Variants in MYO10 observed in about 807,000 individuals in gnomAD.
MYO10 encodes unconventional myosin-X.
In MYO10, 133 loss-of-function variants were observed where a neutral mutation model predicts 257.3. The ratio of observed to expected loss-of-function variants is 0.52; its 90% CI spans 0.45 to 0.60. The LOEUF (loss-of-function observed/expected upper bound fraction) is 0.60, where lower values mean the gene tolerates loss of function less well. Ranked by LOEUF, MYO10 falls within the 20% of genes least tolerant of loss-of-function variation. MYO10 has a pLI of 0.00. For synonymous variants in MYO10, 1,104 were observed against 1,028.6 expected (o/e 1.07, Z -1.40); for missense variants, 2,399 against 2,635.7 (o/e 0.91, Z 1.97).
chr5:16,893,561 G>A lies in MYO10; in HGVS notation c.22-15854C>T, dbSNP rs548648347. 1.5e-3 allele frequency among the ~76,000 whole-genome samples: 225 copies of A among 150,454 alleles called. 1 individual carries two copies. Among genetic ancestry groups the A allele is most frequent in the Non-Finnish European group, 1.1e-3 (77 of 67,832 alleles). ...AGGTGGGAGAATCGCTTGAACTCGG[G>A]AGGCAGAGGTTGCGGTGAGCTGAGA... is the stretch of plus-strand genomic sequence containing the variant. On this transcript the variant is annotated intron_variant, in intron 1 of 40. Coordinates refer to ENST00000513610, the MANE Select transcript of MYO10 (RefSeq NM_012334.3).
chr5:16,707,797 A>G (rs988328808), intron 21 of MYO10, among the ~76,000 whole-genome samples: 9 of 152,216 alleles, frequency 5.9e-5, no homozygotes, highest in Non-Finnish European at 1.2e-4. Flanking sequence ...GGCCGCTTCA[A>G]TTCCTAGTAA....
chr5:16,766,961 G>A (rs1410329198), intron 10 of MYO10, among the ~76,000 whole-genome samples: 1 of 149,476 alleles, frequency 6.7e-6, no homozygotes, highest in Non-Finnish European at 1.5e-5. Flanking sequence ...CTGACCTCAA[G>A]TGATCTCCCT....
chr5:16,748,772 C>T (rs938822137), intron 19 of MYO10, among the ~76,000 whole-genome samples: 29 of 152,278 alleles, frequency 1.9e-4, no homozygotes, highest in Admixed American at 1.8e-3. Context: ...ATAATGTCTG[C>T]ACAGAGCTCT....
rs540699339 is a variant in MYO10 at position 16,758,300 on chromosome 5, G to A, written c.1740-74C>T. 7.9e-4 allele frequency: 803 copies of A among 1,021,046 alleles called. 8 individuals are homozygous for A. In the African/African-American group the frequency reaches 0.012, roughly 15 times the overall value. 63.2% of individuals were successfully genotyped at this position (1,021,046 alleles called of 1,614,324 possible). A position where few individuals can be genotyped will look rare whatever the true frequency, so the allele number is the denominator to read the frequency against. ...TAGGTGCAAGATTATTGTAATTAAT[G>A]GTGCCCTTTCTCAATGATAATTCAA... On this transcript the variant is annotated intron_variant, in intron 17 of 40. Coordinates refer to ENST00000513610, the MANE Select transcript of MYO10 (RefSeq NM_012334.3).
intron 10 of MYO10, among the ~76,000 whole-genome samples, chr5:16,766,620 T>C (rs1403999534): frequency 2.0e-5 from 3 of 151,882 alleles, no homozygotes; most frequent in Admixed American, 1.3e-4. Context: ...TTAGTAGAGA[T>C]GGGGTTTCAT....
At chr5:16,909,524 C>A (rs1745604455) in intron 1 of MYO10, among the ~76,000 whole-genome samples, 1 of 147,734 alleles carries the variant, frequency 6.8e-6, no homozygotes, top group Non-Finnish European at 1.5e-5. Context: ...AAAAAAAAAA[C>A]CATCAGACCT....
rs1321536006 is a variant in MYO10, at chr5:16,702,940, CGTTTCTTCTTTTCTTCCTCTTCCT to C, written c.2471_2494del (p.Gln824_Lys831del). ...GGTACTGTACCTTTCTTCTTCCTCCCGTTTCTTCTTTTCTTCCTCTTCCTGTTTCTTCTTTTCTTCTTGCTCCCT... is the reference window on the plus strand; with the variant it reads ...GGTACTGTACCTTTCTTCTTCCTCCCGTTTCTTCTTTTCTTCTTGCTCCCT... On this transcript the variant is annotated inframe_deletion, in exon 23 of 41. Transcript: ENST00000513610. 2.6e-6 allele frequency: 4 copies of C among 1,551,392 alleles called. No homozygotes were observed. The highest frequency in any genetic ancestry group is 2.7e-5 in the African/African-American group (2 of 72,928).
At chr5:16,760,899 T>C (rs1434762594) in intron 17 of MYO10, among the ~76,000 whole-genome samples, 1 of 152,158 alleles carries the variant, frequency 6.6e-6, no homozygotes, top group Non-Finnish European at 1.5e-5. Context: ...TTAATAACAG[T>C]ATGTTACTTA....
chr5:16,786,560 T>G lies in MYO10; in HGVS notation c.468-3091A>C, dbSNP rs78796454. On this transcript the variant is annotated intron_variant, in intron 4 of 40. Transcript: ENST00000513610. Reference sequence around the variant, plus strand: ...TCAAGAATCTGAAACTTTTTTTTAGTGCCAACATGACATTCAATAGAAATG... The same window carrying G: ...TCAAGAATCTGAAACTTTTTTTTAGGGCCAACATGACATTCAATAGAAATG... 3.3e-5 allele frequency among the ~76,000 whole-genome samples: 5 copies of G among 152,314 alleles called. No individual in the cohort carries two copies. The East Asian group carries it at 9.6e-4, about 29-fold the overall frequency.
chr5:16,750,695 C>A (rs2126640013), intron 19 of MYO10, among the ~76,000 whole-genome samples: 1 of 152,182 alleles, frequency 6.6e-6, no homozygotes, highest in South Asian at 2.1e-4. Context: ...TCATATAACA[C>A]ACACAAAAAG....
intron 2 of MYO10, among the ~76,000 whole-genome samples, chr5:16,835,490 C>CTTTTTTTTTTTT (rs1743283719): frequency 1.6e-5 from 1 of 63,234 alleles, no homozygotes. Flanking sequence ...TCATTTTTGG[C>CTTTTTTTTTTTT]TGTTTTTTTT....
rs1736136061 is a variant in MYO10, at chr5:16,665,729, CATG to C, written c.*960_*962del. On this transcript the variant is annotated 3_prime_UTR_variant, in exon 41 of 41. Transcript: ENST00000513610. ...TTGTTTTTAACTTAAATCTTTTAGACATGAAAGACTCCAAAATGACTTCATTCT... is the reference window on the plus strand; with the variant it reads ...TTGTTTTTAACTTAAATCTTTTAGACAAAGACTCCAAAATGACTTCATTCT... 6.6e-6 allele frequency: 1 copy of C among 152,618 alleles called. No homozygotes were observed. The allele number at this position is 152,618 out of a possible 1,614,324, so 9.5% of individuals were successfully genotyped here.
chr5:16,761,589 T>G, intron 16 of MYO10, 43 bp from the exon 17 acceptor site: 2 of 1,420,186 alleles, frequency 1.4e-6, no homozygotes, highest in Middle Eastern at 3.6e-4. Context: ...ATTGAAAGAA[T>G]AGTTTCAGGT....
At position 16,662,504 on chromosome 5, in the gene MYO10, T is replaced by C. The variant is rs1325474434; in HGVS notation, c.*4188A>G. On this transcript the variant is annotated 3_prime_UTR_variant, in exon 41 of 41. Coordinates refer to ENST00000513610, the MANE Select transcript of MYO10 (RefSeq NM_012334.3). ...ACACCTGGCTAATGTTAATTTTCTG[T>C]GGAGACAGGGTCTTGTCATGTTGCC... The C allele has an allele frequency of 1.3e-5, 2 of 151,802 alleles. No homozygotes were observed. The highest frequency in any genetic ancestry group is 4.8e-5 in the African/African-American group (2 of 41,276). The allele number at this position is 151,802 out of a possible 1,614,324, so 9.4% of individuals were successfully genotyped here. A position where few individuals can be genotyped will look rare whatever the true frequency, so the allele number is the denominator to read the frequency against.
At chr5:16,760,452 C>A (rs1293198588) in intron 17 of MYO10, among the ~76,000 whole-genome samples, 3 of 150,246 alleles carry the variant, frequency 2.0e-5, no homozygotes, top group Admixed American at 6.6e-5. Flanking sequence ...CAGAACGAGA[C>A]CCTGTCTCCA....
chr5:16,729,712 G>A (rs1475578566), intron 19 of MYO10, among the ~76,000 whole-genome samples: 1 of 152,086 alleles, frequency 6.6e-6, no homozygotes, highest in Non-Finnish European at 1.5e-5. Context: ...CCAAAGTGCT[G>A]GGATCACAGG....
At chr5:16,924,313 T>G (rs17651767) in intron 1 of MYO10, among the ~76,000 whole-genome samples, 10,345 of 152,102 alleles carry the variant, frequency 0.068, 384 homozygotes, top group East Asian at 0.12. Context: ...AAAATGGAAA[T>G]GAAAATCTAG....
chr5:16,700,283 T>C (rs572187005), intron 25 of MYO10, among the ~76,000 whole-genome samples: 197 of 152,246 alleles, frequency 1.3e-3, no homozygotes, highest in African/African-American at 4.6e-3. Flanking sequence ...AGGATGTGTC[T>C]TCATTTCCTA....
At chr5:16,872,428 G>GAAA (rs1423032060) in intron 2 of MYO10, among the ~76,000 whole-genome samples, 5 of 152,222 alleles carry the variant, frequency 3.3e-5, no homozygotes, top group Admixed American at 3.3e-4. Flanking sequence ...GCTGCAAGAT[G>GAAA]AAAACATTCT....
Sources: gnomAD v4.1 joint callset for allele counts (sites outside exome capture counted in the v4.1 genomes callset) on GRCh38, gnomAD v4.1.1 for gene constraint, MANE v1.5 for transcripts, NCBI Gene and HGNC (gene_info 2026-07-23, HGNC 2026-07-21) for gene names.